The following DNM3 variants were observed in gnomAD, a reference collection of about 807,000 sequenced individuals.
The protein encoded by DNM3 is dynamin 3.
DNM3 carries 47 observed loss-of-function variants against 101.6 expected under a neutral mutation model. The ratio of observed to expected loss-of-function variants is 0.46; its 90% CI spans 0.37 to 0.59. The LOEUF (loss-of-function observed/expected upper bound fraction) is 0.59. DNM3 is among the 20% of genes least tolerant of loss of function. The pLI is 0.00. For synonymous variants in DNM3, 385 were observed against 387.9 expected, an observed-to-expected ratio of 0.99 and a Z score of 0.09; for missense variants, 849 against 1,085.7, an observed-to-expected ratio of 0.78 and a Z score of 3.06.
At chr1:172,089,315 G>A (rs529205123) in intron 12 of DNM3, among the ~76,000 whole-genome samples, 7 of 152,194 alleles carry the variant, frequency 4.6e-5, no homozygotes, top group African/African-American at 1.4e-4. Flanking sequence ...GTGCCCTATA[G>A]TTTTTGATTT....
At chr1:171,972,829 A>G (rs947629774) in intron 2 of DNM3, among the ~76,000 whole-genome samples, 7 of 150,124 alleles carry the variant, frequency 4.7e-5, no homozygotes, top group Non-Finnish European at 8.9e-5. Context: ...AGCCTGGGCA[A>G]CAAGAGCAAA....
At chr1:171,842,931 G>A (rs2031493808) in intron 1 of DNM3, among the ~76,000 whole-genome samples, 1 of 152,146 alleles carries the variant, frequency 6.6e-6, no homozygotes, top group African/African-American at 2.4e-5. Context: ...AGAAAACCAG[G>A]TAGAAATGTA....
intron 13 of DNM3, chr1:172,093,616 G>C (rs760540978): frequency 7.1e-6 from 9 of 1,268,706 alleles, no homozygotes; most frequent in Admixed American, 5.1e-5. Context: ...CCATTGTTTT[G>C]AAAGGAGAAG....
chr1:172,045,362 G>A lies in DNM3; in HGVS notation c.1196+910G>A, dbSNP rs1305163725. Reference sequence around the variant, plus strand: ...CCTAGGTCAGGGTGTGAGCATGGTCGGGTTCTGGTGAGATCCCTTTTCTGG... The same window carrying A: ...CCTAGGTCAGGGTGTGAGCATGGTCAGGTTCTGGTGAGATCCCTTTTCTGG... On this transcript the variant is annotated intron_variant, in intron 9 of 20. Coordinates refer to ENST00000627582, the MANE Select transcript of DNM3 (RefSeq NM_015569.5). Among the ~76,000 whole-genome samples the A allele has an allele frequency of 2.6e-5, 4 of 152,072 alleles. No homozygotes were observed. The South Asian group carries it at 6.2e-4, about 24-fold the overall frequency.
intron 1 of DNM3, among the ~76,000 whole-genome samples, chr1:171,893,098 G>GC (rs2037443807): frequency 6.7e-6 from 1 of 149,788 alleles, no homozygotes; most frequent in Admixed American, 6.6e-5. Context: ...AGTTACTTAG[G>GC]TCAACTACCC....
chr1:172,388,220 C>A (rs188131990), intron 19 of DNM3, among the ~76,000 whole-genome samples: 1 of 151,004 alleles, frequency 6.6e-6, no homozygotes, highest in Admixed American at 6.6e-5. Context: ...GGTGACAGAG[C>A]GAGACTCCGC....
chr1:171,959,267 T>TTA (rs952301373), intron 2 of DNM3, among the ~76,000 whole-genome samples: 28 of 152,098 alleles, frequency 1.8e-4, no homozygotes, highest in African/African-American at 4.8e-4. Context: ...TTATTTTTCA[T>TTA]TATATATATA....
intron 14 of DNM3, chr1:172,133,501 T>G (rs1003223294): frequency 1.1e-6 from 1 of 883,112 alleles, no homozygotes; most frequent in Admixed American, 6.2e-5. Context: ...ATAAATGGAA[T>G]TATTTAGATG....
chr1:172,355,819 A>G (rs912808734), intron 17 of DNM3, among the ~76,000 whole-genome samples: 2 of 152,146 alleles, frequency 1.3e-5, no homozygotes, highest in Non-Finnish European at 2.9e-5. Context: ...ATCATTCTAG[A>G]GGAGAATAGG....
At chr1:172,414,652 A>G (rs937313829), downstream of DNM3, among the ~76,000 whole-genome samples, 2 of 152,036 alleles carry the variant, frequency 1.3e-5, no homozygotes, top group Non-Finnish European at 2.9e-5. Flanking sequence ...AAAAAGTTGG[A>G]TGATAAAATC....
At chr1:172,003,180 G>A (rs1439220221) in intron 4 of DNM3, among the ~76,000 whole-genome samples, 1 of 151,782 alleles carries the variant, frequency 6.6e-6, no homozygotes, top group Admixed American at 6.6e-5. Context: ...GCTATTCAAG[G>A]TAAAAGTGTT....
intron 1 of DNM3, among the ~76,000 whole-genome samples, chr1:171,875,121 G>A (rs377099826): frequency 2.0e-5 from 3 of 152,154 alleles, no homozygotes; most frequent in African/African-American, 4.8e-5. Context: ...ACAGTGCTGC[G>A]ATGAACATAT....
chr1:172,347,475 G>A (rs2066999917), intron 17 of DNM3, among the ~76,000 whole-genome samples: 1 of 152,186 alleles, frequency 6.6e-6, no homozygotes, highest in South Asian at 2.1e-4. Flanking sequence ...GAGAAGAAAA[G>A]ATCAAGCAGA....
intron 10 of DNM3, among the ~76,000 whole-genome samples, chr1:172,064,523 A>C (rs2051497371): frequency 6.6e-6 from 1 of 152,140 alleles, no homozygotes; most frequent in East Asian, 1.9e-4. Flanking sequence ...TCATGAAATA[A>C]TCTCATTATG....
chr1:172,190,471 A>G (rs2059676695), intron 14 of DNM3, among the ~76,000 whole-genome samples: 2 of 152,290 alleles, frequency 1.3e-5, no homozygotes, highest in South Asian at 4.1e-4. Context: ...CACAATAAAC[A>G]TACGTCTGCA....
intron 7 of DNM3, 32 bp from the exon 8 acceptor site, chr1:172,041,977 G>T: frequency 6.4e-7 from 1 of 1,552,140 alleles, no homozygotes; most frequent in South Asian, 1.2e-5. Context: ...TTGTAACTTT[G>T]ACTTGAATCT....
At chr1:172,034,607 A>T (rs181221410) in intron 6 of DNM3, among the ~76,000 whole-genome samples, 1,595 of 147,962 alleles carry the variant, frequency 0.011, 19 homozygotes, top group Middle Eastern at 0.024. Context: ...TTTTTTTTTT[A>T]ACTGAAGATT....
intron 20 of DNM3, 103 bp from the exon 21 acceptor site, chr1:172,407,669 T>C (rs9425600): frequency 0.22 from 246,507 of 1,139,312 alleles, 28,679 homozygotes; most frequent in East Asian, 0.39. Flanking sequence ...CTGGCCTGTA[T>C]GTGCATGAGC....
chr1:172,347,653 C>T (rs372387404), intron 17 of DNM3, among the ~76,000 whole-genome samples: 6 of 152,022 alleles, frequency 3.9e-5, no homozygotes, highest in Non-Finnish European at 5.9e-5. Flanking sequence ...GAATAAAATC[C>T]GAAAGAAAAG....
Sources: allele counts gnomAD v4.1 joint callset (sites outside exome capture counted in the v4.1 genomes callset), GRCh38; gene constraint gnomAD v4.1.1; transcripts MANE v1.5; gene names NCBI Gene and HGNC (gene_info 2026-07-23, HGNC 2026-07-21).